OTUD6B: variants seen among roughly 807,000 people sequenced by gnomAD.
The protein encoded by OTUD6B is OTU deubiquitinase 6B.
A neutral mutation model predicts 36.9 loss-of-function variants in OTUD6B; 41 were observed. The ratio of observed to expected loss-of-function variants is 1.11; its 90% CI spans 0.87 to 1.44. The LOEUF (loss-of-function observed/expected upper bound fraction) is 1.44. Ranked by LOEUF, OTUD6B falls within the 40% of genes most tolerant of loss-of-function variation. The pLI, the probability that OTUD6B is intolerant of heterozygous loss-of-function variation, is 0.00. For synonymous variants in OTUD6B, 114 were observed against 114.2 expected, an observed-to-expected ratio of 1.00 and a Z score of 0.01; for missense variants, 356 against 344.8, an observed-to-expected ratio of 1.03 and a Z score of -0.26.
intron 3 of OTUD6B, among the ~76,000 whole-genome samples, chr8:91,074,297 G>A (rs748159753): frequency 1.3e-5 from 2 of 152,000 alleles, no homozygotes; most frequent in African/African-American, 2.4e-5. Flanking sequence ...TCAGAATGTG[G>A]GCCCAGGGGA....
In OTUD6B at chr8:91,084,778, T is replaced by C; in HGVS notation, c.798-6T>C. The C allele has an allele frequency of 6.6e-7, 1 of 1,520,736 alleles. No individual in the cohort carries two copies. The highest frequency in any genetic ancestry group is 1.3e-5 in the South Asian group (1 of 78,052). 94.2% of individuals were successfully genotyped at this position (1,520,736 alleles called of 1,614,324 possible). A position where few individuals can be genotyped will look rare whatever the true frequency, so the allele number is the denominator to read the frequency against. ...ACTACTCATTTCTTTTTTTTTTTAA[T>C]TTCAGATATATGAGACATGCATATG... is the stretch of plus-strand genomic sequence containing the variant. On this transcript the variant is annotated splice_polypyrimidine_tract_variant and splice_region_variant and intron_variant, in intron 6 of 6. Coordinates refer to ENST00000404789, the MANE Select transcript of OTUD6B (RefSeq NM_016023.5).
chr8:91,077,538 C>T (rs1458734502), intron 3 of OTUD6B, among the ~76,000 whole-genome samples: 3 of 151,870 alleles, frequency 2.0e-5, no homozygotes, highest in African/African-American at 4.8e-5. Flanking sequence ...TCTTCCCCAA[C>T]CTTCCCTATA....
intron 2 of OTUD6B, among the ~76,000 whole-genome samples, chr8:91,072,502 T>G (rs1812720323): frequency 6.6e-6 from 1 of 152,342 alleles, no homozygotes; most frequent in African/African-American, 2.4e-5. Flanking sequence ...TCTGCCATAC[T>G]TAAATTTTGG....
chr8:91,081,830 T>C (rs1342131466), intron 5 of OTUD6B, among the ~76,000 whole-genome samples: 3 of 152,176 alleles, frequency 2.0e-5, no homozygotes, highest in Non-Finnish European at 2.9e-5. Flanking sequence ...CAGAGGGAAC[T>C]GTATCCATTA....
intron 4 of OTUD6B, among the ~76,000 whole-genome samples, chr8:91,079,553 T>G (rs577019925): frequency 4.6e-5 from 7 of 152,276 alleles, no homozygotes; most frequent in African/African-American, 1.7e-4. Flanking sequence ...GTGAATTAAT[T>G]TCCCATAGAT....
rs1355091256 is a variant in OTUD6B at position 91,086,156 on chromosome 8, T to A, written c.*1288T>A. Reference sequence around the variant, plus strand: ...AGACTTTTTTAGTTTGATGTGTGTTTCCCAAACTAGAGATAAAACTAGTAA... The same window carrying A: ...AGACTTTTTTAGTTTGATGTGTGTTACCCAAACTAGAGATAAAACTAGTAA... On this transcript the variant is annotated 3_prime_UTR_variant, in exon 7 of 7. Transcript: ENST00000404789. 1 of 152,108 alleles carries A rather than the reference T, an allele frequency of 6.6e-6. No homozygotes were observed. Among genetic ancestry groups the A allele is most frequent in the Non-Finnish European group, 1.5e-5 (1 of 67,986 alleles). The allele number at this position is 152,108 out of a possible 1,614,324, so 9.4% of individuals were successfully genotyped here.
rs1214274773 is a variant in OTUD6B at position 91,078,340 on chromosome 8, A to T, written c.316-16A>T. The T allele has an allele frequency of 3.9e-6, 6 of 1,536,386 alleles. No homozygotes were observed. The highest frequency in any genetic ancestry group is 5.2e-6 in the Non-Finnish European group (6 of 1,142,926). On this transcript the variant is annotated splice_polypyrimidine_tract_variant and intron_variant, in intron 3 of 6. Transcript: ENST00000404789. ...AATTATTATGAATTAACTTTCATGC[A>T]TTCTGCTTTTCTTAGGAAAAGAAAG... is the stretch of plus-strand genomic sequence containing the variant.
chr8:91,082,812 C>T (rs1357533683), intron 5 of OTUD6B, among the ~76,000 whole-genome samples: 2 of 137,366 alleles, frequency 1.5e-5, no homozygotes, highest in Non-Finnish European at 3.0e-5. Context: ...AGTACAGTGG[C>T]GTGATCTTGG....
At chr8:91,073,774 T>C (rs887629682) in intron 2 of OTUD6B, 57 bp from the exon 3 acceptor site, 1 of 1,482,974 alleles carries the variant, frequency 6.7e-7, no homozygotes, top group East Asian at 2.5e-5. Context: ...GATATATTTA[T>C]GATTTTCAGT....
chr8:91,082,543 A>G (rs559959245), intron 5 of OTUD6B, among the ~76,000 whole-genome samples: 1 of 152,054 alleles, frequency 6.6e-6, no homozygotes, highest in Non-Finnish European at 1.5e-5. Context: ...TATTTTTTGT[A>G]GAAACGGGGT....
At position 91,084,209 on chromosome 8, in the gene OTUD6B, TTAGA is replaced by T. The variant is rs934851402; in HGVS notation, c.797+98_797+101del. The T allele has an allele frequency of 5.6e-6, 4 of 719,658 alleles. No homozygotes were observed. In the African/African-American group the frequency reaches 7.3e-5, roughly 13 times the overall value. 44.6% of individuals were successfully genotyped at this position (719,658 alleles called of 1,614,324 possible). Reference sequence around the variant, plus strand: ...GATTATATGTGTTAAAATATGTGACTTAGATAATTTTTTAAACCTCTAGCGATTT... The same window carrying T: ...GATTATATGTGTTAAAATATGTGACTTAATTTTTTAAACCTCTAGCGATTT... On this transcript the variant is annotated intron_variant, in intron 6 of 6. Transcript: ENST00000404789.
intron 4 of OTUD6B, among the ~76,000 whole-genome samples, chr8:91,079,814 A>G (rs1484283890): frequency 6.6e-6 from 1 of 152,126 alleles, no homozygotes; most frequent in Non-Finnish European, 1.5e-5. Flanking sequence ...GAAAAACACA[A>G]AAGACTTAAT....
chr8:91,074,246 A>G (rs1053004438), intron 3 of OTUD6B, among the ~76,000 whole-genome samples: 1 of 152,116 alleles, frequency 6.6e-6, no homozygotes, highest in Admixed American at 6.6e-5. Context: ...GGGAGTGCAA[A>G]GTAGTTTTTT....
intron 5 of OTUD6B, 27 bp downstream of exon 5, chr8:91,080,757 T>A: frequency 2.0e-6 from 3 of 1,530,358 alleles, no homozygotes; most frequent in Non-Finnish European, 2.7e-6. Context: ...TCATAGTGAT[T>A]GTGGGTTGTT....
Position 91,084,952 on chromosome 8 carries a change from A to T in OTUD6B, c.*84A>T, listed in dbSNP as rs1812985026. 7.2e-6 allele frequency: 4 copies of T among 558,594 alleles called. No homozygotes were observed. Among genetic ancestry groups the T allele is most frequent in the Non-Finnish European group, 1.2e-5 (4 of 335,550 alleles). 34.6% of individuals were successfully genotyped at this position (558,594 alleles called of 1,614,324 possible). A position where few individuals can be genotyped will look rare whatever the true frequency, so the allele number is the denominator to read the frequency against. On this transcript the variant is annotated 3_prime_UTR_variant, in exon 7 of 7. Transcript: ENST00000404789. ...CAAGTGTTGGGTTGTTCTAAATGCT[A>T]CTGAAAAACACAACTACCTTATATC...
Position 91,085,552 on chromosome 8 carries a change from G to A in OTUD6B, c.*684G>A, listed in dbSNP as rs1347097377. 3 of 151,948 alleles carry A rather than the reference G, an allele frequency of 2.0e-5. No homozygotes were observed. The highest frequency in any genetic ancestry group is 4.8e-5 in the African/African-American group (2 of 41,410). 9.4% of individuals were successfully genotyped at this position (151,948 alleles called of 1,614,324 possible). On this transcript the variant is annotated 3_prime_UTR_variant, in exon 7 of 7. Transcript: ENST00000404789. ...TAAATCTCTAAAGAATTAGAGATTAGTTTTTTATTTGTGTATAATTTAAAA... is the reference window on the plus strand; with the variant it reads ...TAAATCTCTAAAGAATTAGAGATTAATTTTTTATTTGTGTATAATTTAAAA...
chr8:91,078,724 AT>A, intron 4 of OTUD6B, 56 bp downstream of exon 4: 1 of 1,262,174 alleles, frequency 7.9e-7, no homozygotes, highest in Non-Finnish European at 1.1e-6. Context: ...TTGTTTTTAA[AT>A]AAGGTGCTTC....
At chr8:91,080,865 A>C (rs1172182212) in intron 5 of OTUD6B, 135 bp downstream of exon 5, 4 of 655,690 alleles carry the variant, frequency 6.1e-6, no homozygotes, top group Non-Finnish European at 1.0e-5. Flanking sequence ...TGCTCTTCTC[A>C]ACTGACAAAG....
chr8:91,078,433 A>G lies in OTUD6B; in HGVS notation c.393A>G (p.Arg131=), dbSNP rs748000529. The change falls in exon 4 of 7, where the codon AGA becomes AGG. Residue 131 remains arginine, a synonymous_variant. Coordinates refer to ENST00000404789, the MANE Select transcript of OTUD6B (RefSeq NM_016023.5). ...EAEIENLTGA[R]HMESEKLAQI... The stretch of plus-strand genomic sequence containing the variant: ...AAATTGAAAACTTAACAGGAGCCAG[A>G]CATATGGAAAGTGAGAAACTTGCTC... 2.6e-5 allele frequency: 42 copies of G among 1,600,052 alleles called. No homozygotes were observed. The highest frequency in any genetic ancestry group is 3.6e-5 in the Non-Finnish European group (42 of 1,172,500).
Sources: allele counts gnomAD v4.1 joint callset (sites outside exome capture counted in the v4.1 genomes callset), GRCh38; gene constraint gnomAD v4.1.1; transcripts MANE v1.5; gene names NCBI Gene and HGNC (gene_info 2026-07-23, HGNC 2026-07-21).